COL4A5: variants seen among roughly 807,000 people sequenced by gnomAD.
The protein encoded by COL4A5 is collagen type IV alpha 5 chain, also known as collagen alpha-5(IV) chain.
A neutral mutation model predicts 130.2 loss-of-function variants in COL4A5; 26 were observed. The observed-to-expected ratio is 0.20, with a 90% CI of 0.15 to 0.28. COL4A5 has a LOEUF of 0.28. Ranked by LOEUF, COL4A5 falls within the 10% of genes least tolerant of loss-of-function variation. The pLI, the probability that COL4A5 is intolerant of heterozygous loss-of-function variation, is 1.00. For missense variants in COL4A5, 1,131 were observed against 1,344.3 expected, an observed-to-expected ratio of 0.84 and a Z score of 2.48; for synonymous variants, 496 against 439.6, an observed-to-expected ratio of 1.13 and a Z score of -1.60.
chrX:108,587,686 G>A (rs1354034174), intron 19 of COL4A5, among the ~76,000 whole-genome samples: 1 of 111,212 alleles, frequency 9.0e-6, no homozygotes, highest in Non-Finnish European at 1.9e-5. Flanking sequence ...GTTTTTTGAA[G>A]AACCTCCATA....
At chrX:108,526,662 TCTTTCTTTC>T (rs1357198741) in intron 1 of COL4A5, among the ~76,000 whole-genome samples, 299 of 48,964 alleles carry the variant, frequency 6.1e-3, no homozygotes, top group African/African-American at 0.029. Flanking sequence ...CTTTCTTTCT[TCTTTCTTTC>T]TCTTTCTTTC....
rs993128629 is a variant in COL4A5 at position 108,440,025 on chromosome X, C to T, written c.-101C>T. 1 of 627,698 alleles carries T rather than the reference C, an allele frequency of 1.6e-6. No homozygotes were observed. The highest frequency in any genetic ancestry group is 2.6e-6 in the Non-Finnish European group (1 of 382,646). The allele number at this position is 627,698 out of a possible 1,213,427, so 51.7% of individuals were successfully genotyped here. A position where few individuals can be genotyped will look rare whatever the true frequency, so the allele number is the denominator to read the frequency against. ...CCCAAGCCTCACTGTCCCTCTCCGG[C>T]TCTAGCTCTCTCCATATAAACCCTC... On this transcript the variant is annotated 5_prime_UTR_variant, in exon 1 of 53. Coordinates refer to ENST00000328300, the MANE Select transcript of COL4A5 (RefSeq NM_033380.3).
At chrX:108,452,084 G>C (rs1399871636) in intron 1 of COL4A5, among the ~76,000 whole-genome samples, 69 of 112,007 alleles carry the variant, frequency 6.2e-4, no homozygotes, top group Admixed American at 1.0e-3. Flanking sequence ...AATAGGGAAT[G>C]CTTTCCCCAT....
chrX:108,585,238 G>A (rs1467529859), intron 18 of COL4A5, among the ~76,000 whole-genome samples: 2 of 112,006 alleles, frequency 1.8e-5, no homozygotes, highest in East Asian at 2.8e-4. Context: ...GCAACAGTGC[G>A]AATGTTGGAA....
intron 19 of COL4A5, among the ~76,000 whole-genome samples, chrX:108,589,541 A>G (rs1437341104): frequency 2.7e-5 from 3 of 111,747 alleles, no homozygotes; most frequent in African/African-American, 9.7e-5. Flanking sequence ...CACAGTAGAC[A>G]TATCTAAAGC....
chrX:108,483,731 C>A (rs1289033677), intron 1 of COL4A5, among the ~76,000 whole-genome samples: 5 of 112,144 alleles, frequency 4.5e-5, no homozygotes, highest in African/African-American at 1.6e-4. Context: ...TTTACATTCC[C>A]ACTGACAATG....
intron 1 of COL4A5, among the ~76,000 whole-genome samples, chrX:108,443,949 G>A (rs1206038037): frequency 8.9e-6 from 1 of 111,928 alleles, no homozygotes; most frequent in African/African-American, 3.2e-5. Context: ...TTTATTAATT[G>A]ATTGAATTAT....
intron 31 of COL4A5, 104 bp from the exon 32 acceptor site, chrX:108,621,699 T>A: frequency 1.6e-6 from 1 of 633,405 alleles, no homozygotes; most frequent in Non-Finnish European, 2.6e-6. Flanking sequence ...TAACAGTGCC[T>A]TACGTCCAAC....
At chrX:108,683,262 G>A (rs955721630) in intron 47 of COL4A5, among the ~76,000 whole-genome samples, 3 of 111,184 alleles carry the variant, frequency 2.7e-5, no homozygotes, top group African/African-American at 9.8e-5. Flanking sequence ...TATCTGTTTC[G>A]GTACCAGTAC....
At chrX:108,568,889 C>G in intron 6 of COL4A5, 68 bp downstream of exon 6, 2 of 947,981 alleles carry the variant, frequency 2.1e-6, no homozygotes, top group Non-Finnish European at 3.0e-6. Context: ...CTAAAGAAAT[C>G]AATATGAAGA....
intron 1 of COL4A5, among the ~76,000 whole-genome samples, chrX:108,484,723 C>G (rs1327736338): frequency 7.1e-5 from 8 of 112,720 alleles, no homozygotes. Context: ...GTGGCCACCA[C>G]CCCTGGGATT....
At chrX:108,551,987 A>G (rs1167062656) in intron 2 of COL4A5, among the ~76,000 whole-genome samples, 1 of 112,119 alleles carries the variant, frequency 8.9e-6, no homozygotes, top group African/African-American at 3.2e-5. Context: ...GTTCTCACTA[A>G]TAAGTGGGAG....
At chrX:108,669,973 C>A in intron 41 of COL4A5, 1 of 356,279 alleles carries the variant, frequency 2.8e-6, no homozygotes, top group East Asian at 4.7e-5. Context: ...ATTATGATAG[C>A]AATGACTTTT....
At chrX:108,566,680 C>G (rs2065977894) in intron 4 of COL4A5, among the ~76,000 whole-genome samples, 2 of 110,681 alleles carry the variant, frequency 1.8e-5, no homozygotes, top group South Asian at 7.7e-4. Flanking sequence ...TCCCGAGTAG[C>G]TGGGGCTACA....
At chrX:108,538,430 A>G (rs1451425163) in intron 1 of COL4A5, among the ~76,000 whole-genome samples, 4 of 111,933 alleles carry the variant, frequency 3.6e-5, no homozygotes, top group Admixed American at 1.9e-4. Flanking sequence ...AGATTACTGC[A>G]ACATCAAGCC....
At chrX:108,633,282 A>C (rs1406472674) in intron 36 of COL4A5, among the ~76,000 whole-genome samples, 1 of 111,263 alleles carries the variant, frequency 9.0e-6, no homozygotes, top group East Asian at 2.8e-4. Flanking sequence ...TCTACTTATG[A>C]AGACTTCTAT....
intron 1 of COL4A5, among the ~76,000 whole-genome samples, chrX:108,472,845 A>G (rs975710864): frequency 8.9e-6 from 1 of 112,013 alleles, no homozygotes; most frequent in African/African-American, 3.2e-5. Context: ...AGGAACCGCC[A>G]TACTGTTTTC....
chrX:108,500,576 T>G (rs889541412), intron 1 of COL4A5, among the ~76,000 whole-genome samples: 3 of 111,817 alleles, frequency 2.7e-5, no homozygotes, highest in African/African-American at 9.8e-5. Flanking sequence ...TAGAATAAAG[T>G]AAAAATTTTA....
At chrX:108,617,520 G>C (rs1038256019) in intron 30 of COL4A5, among the ~76,000 whole-genome samples, 2 of 111,173 alleles carry the variant, frequency 1.8e-5, no homozygotes, top group African/African-American at 6.5e-5. Context: ...AGTTTAACAC[G>C]GTTATAAGAT....
Sources: gnomAD v4.1 joint callset for allele counts (sites outside exome capture counted in the v4.1 genomes callset) on GRCh38, gnomAD v4.1.1 for gene constraint, MANE v1.5 for transcripts, NCBI Gene and HGNC (gene_info 2026-07-23, HGNC 2026-07-21) for gene names.